NUDT9: variants seen among roughly 807,000 people sequenced by gnomAD.
NUDT9 encodes ADP-ribose pyrophosphatase.
In NUDT9, 31 loss-of-function variants were observed where a neutral mutation model predicts 41.0. The observed-to-expected ratio is 0.76, with a 90% confidence interval of 0.57 to 1.02. The LOEUF is 1.02. Ranked by LOEUF, NUDT9 falls within the 50% of genes least tolerant of loss-of-function variation. The pLI, the probability that NUDT9 is intolerant of heterozygous loss-of-function variation, is 0.00. For synonymous variants in NUDT9, 146 were observed against 147.6 expected, an observed-to-expected ratio of 0.99 and a Z score of 0.08; for missense variants, 380 against 431.4, an observed-to-expected ratio of 0.88 and a Z score of 1.06.
intron 4 of NUDT9, among the ~76,000 whole-genome samples, chr4:87,448,535 G>A (rs1192589664): frequency 6.6e-6 from 1 of 151,948 alleles, no homozygotes; most frequent in African/African-American, 2.4e-5. Context: ...AAGCTGGAGT[G>A]TAGTGGCACC....
In NUDT9 at chr4:87,435,039, G is replaced by A. The variant is rs1222087867; in HGVS notation, c.166G>A (p.Gly56Ser). The change falls in exon 2 of 8, where the codon GGT becomes AGT. Residue 56 changes from glycine (G) to serine (S), a missense_variant. Coordinates refer to ENST00000302174, the MANE Select transcript of NUDT9 (RefSeq NM_024047.5). ...LNTNVMSGSN[G>S]SKENSHNKAR... ...TACCAACGTCATGTCTGGTTCTAAT[G>A]GTTCCAAAGAAAATTCTCACAATAA... 3 of 1,614,000 alleles carry A rather than the reference G, an allele frequency of 1.9e-6. No homozygotes were observed. Among genetic ancestry groups the A allele is most frequent in the Admixed American group, 1.7e-5 (1 of 60,026 alleles).
intron 5 of NUDT9, 64 bp from the exon 6 acceptor site, chr4:87,451,525 A>G (rs900231986): frequency 1.5e-6 from 2 of 1,328,524 alleles, no homozygotes; most frequent in East Asian, 2.3e-5. Flanking sequence ...CTACTACTCA[A>G]TAAATATTTG....
At position 87,438,319 on chromosome 4, in the gene NUDT9, T is replaced by C; in HGVS notation, c.390T>C (p.His130=). ...FSPKFNEKDG[H]VERKSKNGLY... ...CCAAGTTTAACGAAAAGGATGGGCA[T>C]GTTGAGAGAAAGAGCAAGAATGGCC... Residue 130 remains histidine (H), a synonymous_variant, in exon 3 of 8, where the codon CAT becomes CAC. Coordinates refer to ENST00000302174, the MANE Select transcript of NUDT9 (RefSeq NM_024047.5). The C allele has an allele frequency of 6.2e-7, 1 of 1,611,572 alleles. No homozygotes were observed. Among genetic ancestry groups the C allele is most frequent in the Non-Finnish European group, 8.5e-7 (1 of 1,178,064 alleles).
intron 3 of NUDT9, among the ~76,000 whole-genome samples, chr4:87,441,494 A>G (rs1461716402): frequency 6.6e-6 from 1 of 152,254 alleles, no homozygotes; most frequent in African/African-American, 2.4e-5. Context: ...GAGAAAGTGA[A>G]GAGAGATCTA....
At chr4:87,457,817 G>A (rs1424840555) in intron 7 of NUDT9, 26 bp from the exon 8 acceptor site, 2 of 1,597,694 alleles carry the variant, frequency 1.3e-6, no homozygotes, top group East Asian at 2.3e-5. Context: ...AGTTTTTCTT[G>A]GTGATGGTTT....
intron 1 of NUDT9, 102 bp downstream of exon 1, chr4:87,423,114 C>G (rs757637884): frequency 1.1e-4 from 85 of 773,678 alleles, no homozygotes; most frequent in Non-Finnish European, 1.6e-4. Context: ...TGCTTTGCCT[C>G]TCGGGTTTTT....
At chr4:87,445,766 A>T (rs1722417741) in intron 4 of NUDT9, among the ~76,000 whole-genome samples, 1 of 152,182 alleles carries the variant, frequency 6.6e-6, no homozygotes, top group Non-Finnish European at 1.5e-5. Flanking sequence ...TAGATCAAGA[A>T]ATTTTGTTTT....
At chr4:87,456,737 A>G (rs180811971) in intron 7 of NUDT9, among the ~76,000 whole-genome samples, 1 of 152,140 alleles carries the variant, frequency 6.6e-6, no homozygotes, top group East Asian at 1.9e-4. Flanking sequence ...CTGTCTCTCC[A>G]GTTTTTGGTA....
chr4:87,456,188 A>G (rs989655658), intron 7 of NUDT9, among the ~76,000 whole-genome samples: 6 of 152,150 alleles, frequency 3.9e-5, no homozygotes, highest in African/African-American at 1.4e-4. Flanking sequence ...TTCCCCTTTT[A>G]TTAAACAGGA....
intron 5 of NUDT9, among the ~76,000 whole-genome samples, chr4:87,450,487 C>T (rs190283124): frequency 1.3e-5 from 2 of 149,022 alleles, no homozygotes; most frequent in Non-Finnish European, 3.0e-5. Context: ...TCAAGCAATT[C>T]CCTGCCTCAG....
rs1722409230 is a variant in NUDT9 at position 87,445,592 on chromosome 4, TCAAA to T, written c.531-3546_531-3543del. Reference sequence around the variant, plus strand: ...ATATATTATTGTGAATAAATTCAGGTCAAACAATTGATGACAATTTCATTTTCTG... The same window carrying T: ...ATATATTATTGTGAATAAATTCAGGTCAATTGATGACAATTTCATTTTCTG... On this transcript the variant is annotated intron_variant, in intron 4 of 7. Transcript: ENST00000302174. 3 of 152,256 alleles carry T rather than the reference TCAAA, an allele frequency of 2.0e-5. No homozygotes were observed. The South Asian group carries it at 6.2e-4, about 32-fold the overall frequency. 9.4% of individuals were successfully genotyped at this position (152,256 alleles called of 1,614,324 possible).
Position 87,456,430 on chromosome 4 carries a change from T to C in NUDT9, c.875-1413T>C, listed in dbSNP as rs539422614. 4.2e-3 allele frequency among the ~76,000 whole-genome samples: 635 copies of C among 152,274 alleles called. 6 individuals carry two copies. The highest frequency in any genetic ancestry group is 0.014 in the African/African-American group (590 of 41,554). On this transcript the variant is annotated intron_variant, in intron 7 of 7. Transcript: ENST00000302174. ...TGCTTAGGGCTTGGTAAAATAGTTT[T>C]CCTTGAGGGCAGAGTGATCTGGGTG...
At chr4:87,439,491 A>G (rs1321336836) in intron 3 of NUDT9, among the ~76,000 whole-genome samples, 1 of 152,000 alleles carries the variant, frequency 6.6e-6, no homozygotes, top group African/African-American at 2.4e-5. Context: ...CCCTGTCTCT[A>G]CTAAAAATAC....
intron 7 of NUDT9, among the ~76,000 whole-genome samples, chr4:87,454,783 T>C (rs1402192849): frequency 6.6e-6 from 1 of 152,194 alleles, no homozygotes; most frequent in Non-Finnish European, 1.5e-5. Flanking sequence ...CAAAAGCAAC[T>C]GGGATTTGGG....
At chr4:87,451,222 C>T (rs528244068) in intron 5 of NUDT9, among the ~76,000 whole-genome samples, 2 of 152,294 alleles carry the variant, frequency 1.3e-5, no homozygotes, top group East Asian at 1.9e-4. Flanking sequence ...GCATGTTAGG[C>T]AGGTCCTGGG....
rs1442960478 is a variant in NUDT9 at position 87,457,949 on chromosome 4, C to T, written c.981C>T (p.Phe327=). ...KLKLYASHSQ[F]IKLVAEKRDA... ...AGCTTTATGCCAGTCACTCTCAATT[C>T]ATCAAACTTGTGGCTGAGAAACGAG... Residue 327 remains phenylalanine (F), a synonymous_variant, in exon 8 of 8, where the codon TTC becomes TTT. Transcript: ENST00000302174. The T allele has an allele frequency of 6.3e-7, 1 of 1,596,470 alleles. No individual in the cohort carries two copies. Among genetic ancestry groups the T allele is most frequent in the African/African-American group, 1.4e-5 (1 of 73,154 alleles).
At position 87,422,952 on chromosome 4, in the gene NUDT9, C is replaced by A; in HGVS notation, c.47C>A (p.Ser16Tyr). ...AAGGCTTTAGCCGCGGTGTCTCTCT[C>A]TCTGGCCTTGGCCTCTGTGACTATC... The part of the protein sequence containing the change: ...LGKALAAVSL[S>Y]LALASVTIRS... Residue 16 changes from serine to tyrosine, a missense_variant, in exon 1 of 8, where the codon TCT (serine) becomes TAT (tyrosine). Coordinates refer to ENST00000302174, the MANE Select transcript of NUDT9 (RefSeq NM_024047.5). The A allele has an allele frequency of 4.3e-6, 7 of 1,613,176 alleles. No homozygotes were observed. The highest frequency in any genetic ancestry group is 5.9e-6 in the Non-Finnish European group (7 of 1,179,818).
intron 6 of NUDT9, among the ~76,000 whole-genome samples, chr4:87,452,401 T>C (rs1722769269): frequency 6.6e-6 from 1 of 152,192 alleles, no homozygotes; most frequent in South Asian, 2.1e-4. Flanking sequence ...ACATTTTAAA[T>C]TATGTCATAC....
chr4:87,435,341 C>T (rs1578069365), intron 2 of NUDT9, 121 bp downstream of exon 2: 1 of 1,149,120 alleles, frequency 8.7e-7, no homozygotes. Flanking sequence ...TGTGTTATAA[C>T]TCAGTTTCCA....
Sources: allele counts gnomAD v4.1 joint callset (sites outside exome capture counted in the v4.1 genomes callset), GRCh38; gene constraint gnomAD v4.1.1; transcripts MANE v1.5; gene names NCBI Gene and HGNC (gene_info 2026-07-23, HGNC 2026-07-21).